CDH18: variants seen among roughly 807,000 people sequenced by gnomAD.
CDH18 encodes cadherin 18.
Under a neutral mutation model 67.9 loss-of-function variants are expected in CDH18, and 31 were observed. The observed-to-expected ratio is 0.46, with a 90% CI of 0.34 to 0.62. The LOEUF is 0.62. CDH18 is among the 20% of genes least tolerant of loss of function. CDH18 has a pLI of 0.01. For synonymous variants in CDH18, 362 were observed against 347.2 expected (o/e 1.04, Z -0.48); for missense variants, 890 against 975.5 (o/e 0.91, Z 1.17).
intron 5 of CDH18, among the ~76,000 whole-genome samples, chr5:19,645,653 T>C (rs564024146): frequency 6.6e-6 from 1 of 152,266 alleles, no homozygotes; most frequent in African/African-American, 2.4e-5. Flanking sequence ...ACTTTCTGTG[T>C]CATTTCATTC....
At chr5:20,270,698 G>GC (rs1745371782) in intron 1 of CDH18, among the ~76,000 whole-genome samples, 1 of 152,084 alleles carries the variant, frequency 6.6e-6, no homozygotes, top group Non-Finnish European at 1.5e-5. Flanking sequence ...GTTCATTACA[G>GC]CCCTATTCAC....
At chr5:19,507,867 G>T (rs944459880) in intron 10 of CDH18, among the ~76,000 whole-genome samples, 1 of 151,984 alleles carries the variant, frequency 6.6e-6, no homozygotes, top group Non-Finnish European at 1.5e-5. Flanking sequence ...TAACCAACCT[G>T]CACGTTGTGC....
intron 3 of CDH18, among the ~76,000 whole-genome samples, chr5:19,820,960 A>G (rs530880810): frequency 6.6e-6 from 1 of 152,338 alleles, no homozygotes; most frequent in South Asian, 2.1e-4. Context: ...CTTCATCGCA[A>G]TAACAGAAAC....
At chr5:20,274,392 T>A (rs2126675512) in intron 1 of CDH18, among the ~76,000 whole-genome samples, 1 of 152,170 alleles carries the variant, frequency 6.6e-6, no homozygotes, top group African/African-American at 2.4e-5. Context: ...AAAAAAAACC[T>A]ACAAGGGTAC....
intron 2 of CDH18, among the ~76,000 whole-genome samples, chr5:19,868,350 G>C (rs1407276732): frequency 6.6e-6 from 1 of 152,038 alleles, no homozygotes; most frequent in Non-Finnish European, 1.5e-5. Context: ...GAACAAACTA[G>C]AGAAGCCATT....
At chr5:20,254,592 A>G (rs1744091879) in intron 2 of CDH18, among the ~76,000 whole-genome samples, 1 of 152,224 alleles carries the variant, frequency 6.6e-6, no homozygotes, top group South Asian at 2.1e-4. Flanking sequence ...AACTAAAAGA[A>G]TGACACTGGC....
intron 2 of CDH18, among the ~76,000 whole-genome samples, chr5:20,031,302 G>A (rs1250665953): frequency 1.3e-5 from 2 of 152,078 alleles, no homozygotes; most frequent in Non-Finnish European, 2.9e-5. Flanking sequence ...AGAAAAGATA[G>A]ACTTGAAAAA....
At chr5:20,460,363 G>A (rs1241829779) in intron 1 of CDH18, among the ~76,000 whole-genome samples, 3 of 151,526 alleles carry the variant, frequency 2.0e-5, no homozygotes, top group Non-Finnish European at 4.4e-5. Context: ...CTGCACTCCC[G>A]CCTGGTTGAC....
At chr5:19,747,360 G>T in intron 3 of CDH18, 124 bp from the exon 4 acceptor site, 2 of 688,516 alleles carry the variant, frequency 2.9e-6, no homozygotes, top group South Asian at 2.1e-5. Flanking sequence ...AGTGCCCTGT[G>T]TGTTACTACT....
intron 1 of CDH18, among the ~76,000 whole-genome samples, chr5:20,313,379 T>C (rs1324537597): frequency 6.6e-6 from 1 of 152,108 alleles, no homozygotes. Flanking sequence ...TCATTTGATT[T>C]GGTTAGTTTC....
At chr5:19,927,495 C>G (rs1490608514) in intron 2 of CDH18, among the ~76,000 whole-genome samples, 2 of 152,020 alleles carry the variant, frequency 1.3e-5, no homozygotes, top group Admixed American at 6.6e-5. Flanking sequence ...ACTGTACTGA[C>G]TTTTTAAATG....
At chr5:20,484,099 T>C (rs1753002881) in intron 1 of CDH18, among the ~76,000 whole-genome samples, 1 of 151,840 alleles carries the variant, frequency 6.6e-6, no homozygotes, top group South Asian at 2.1e-4. Flanking sequence ...TCTAAGAATC[T>C]GAATAAAAAT....
chr5:20,476,323 C>T lies in CDH18; in HGVS notation c.-580+99139G>A, dbSNP rs939375120. Among the ~76,000 whole-genome samples, 3 of 147,784 alleles carry T rather than the reference C, an allele frequency of 2.0e-5. No individual in the cohort carries two copies. The East Asian group carries it at 6.0e-4, about 29-fold the overall frequency. On this transcript the variant is annotated intron_variant, in intron 1 of 14. Coordinates refer to the CDH18 transcript ENST00000507958. ...ACAGAAGGTAGTTAATATACCGATACTGGCCATCATGGTCATTACATTTGA... is the reference window on the plus strand; with the variant it reads ...ACAGAAGGTAGTTAATATACCGATATTGGCCATCATGGTCATTACATTTGA...
chr5:19,717,012 A>G (rs1765423065), intron 5 of CDH18, among the ~76,000 whole-genome samples: 1 of 152,104 alleles, frequency 6.6e-6, no homozygotes, highest in South Asian at 2.1e-4. Flanking sequence ...TCATTTATAC[A>G]AATGTATGAT....
intron 2 of CDH18, among the ~76,000 whole-genome samples, chr5:20,031,232 C>T (rs775496676): frequency 3.9e-5 from 6 of 151,988 alleles, no homozygotes; most frequent in Non-Finnish European, 7.4e-5. Flanking sequence ...AAGGTGGCTA[C>T]GGTTGGATTA....
intron 1 of CDH18, among the ~76,000 whole-genome samples, chr5:20,372,933 A>G (rs2150087276): frequency 6.6e-6 from 1 of 152,222 alleles, no homozygotes; most frequent in African/African-American, 2.4e-5. Context: ...AAGAAACTTT[A>G]CATCTTAAGG....
chr5:20,085,876 T>C (rs1484770945), intron 2 of CDH18, among the ~76,000 whole-genome samples: 4 of 152,168 alleles, frequency 2.6e-5, no homozygotes, highest in African/African-American at 9.7e-5. Context: ...AGCCAAACCA[T>C]ACTAATTAGT....
intron 4 of CDH18, among the ~76,000 whole-genome samples, chr5:19,746,316 G>A (rs554246399): frequency 6.6e-6 from 1 of 152,250 alleles, no homozygotes; most frequent in East Asian, 1.9e-4. Flanking sequence ...TGCCTCCTTG[G>A]CTATTTTCTA....
intron 2 of CDH18, among the ~76,000 whole-genome samples, chr5:20,111,546 C>CTTTTTTTT (rs760458451): frequency 2.9e-4 from 15 of 51,894 alleles, no homozygotes; most frequent in East Asian, 4.5e-4. Flanking sequence ...TTCCTTCTTT[C>CTTTTTTTT]TTTTTTTTTT....
Sources: allele counts gnomAD v4.1 joint callset (sites outside exome capture counted in the v4.1 genomes callset), GRCh38; gene constraint gnomAD v4.1.1; transcripts MANE v1.5; gene names NCBI Gene and HGNC (gene_info 2026-07-23, HGNC 2026-07-21).